Variants in CASD1 observed in about 807,000 individuals in gnomAD.
The protein encoded by CASD1 is N-acetylneuraminate (7)9-O-acetyltransferase.
In CASD1, 41 loss-of-function variants were observed where a neutral mutation model predicts 100.0. The observed-to-expected ratio is 0.41, with a 90% CI of 0.32 to 0.53. The LOEUF is 0.53. Among genes scored for constraint, CASD1 ranks in the 20% least tolerant of loss-of-function variants. The pLI is 0.25. For missense variants in CASD1, 774 were observed against 948.7 expected (o/e 0.82, Z 2.42); for synonymous variants, 321 against 315.6 (o/e 1.02, Z -0.18).
chr7:94,592,726 T>C, the CASD1 span, among the ~76,000 whole-genome samples: 1 of 152,112 alleles, frequency 6.6e-6, no homozygotes, highest in African/African-American at 2.4e-5. Flanking sequence ...AATTTGACAT[T>C]CTTGGATACC....
At chr7:94,544,938 TATATTTACAGATGAGGA>T (rs1795603598) in intron 11 of CASD1, among the ~76,000 whole-genome samples, 1 of 152,128 alleles carries the variant, frequency 6.6e-6, no homozygotes, top group Non-Finnish European at 1.5e-5. Flanking sequence ...TTGTTATCTT[TATATTTACAGATGAGGA>T]ATCTAAGGCT....
the CASD1 span, chr7:94,623,454 TC>T: frequency 9.3e-7 from 1 of 1,070,244 alleles, no homozygotes; most frequent in Non-Finnish European, 1.4e-6. Flanking sequence ...AAAATGAAAT[TC>T]ATTAAGGATT....
chr7:94,547,491 T>G (rs1288070035), intron 13 of CASD1, among the ~76,000 whole-genome samples: 1 of 151,924 alleles, frequency 6.6e-6, no homozygotes, highest in Non-Finnish European at 1.5e-5. Context: ...GATCAAAATT[T>G]TCTTGACAGA....
chr7:94,603,780 T>C, the CASD1 span, among the ~76,000 whole-genome samples: 1 of 152,180 alleles, frequency 6.6e-6, no homozygotes, highest in East Asian at 1.9e-4. Flanking sequence ...GTAATTACTA[T>C]ATTTAGTAGA....
chr7:94,606,800 A>C, the CASD1 span, among the ~76,000 whole-genome samples: 1 of 152,348 alleles, frequency 6.6e-6, no homozygotes, highest in African/African-American at 2.4e-5. Flanking sequence ...GGAACTCAGT[A>C]TCAAAAGATA....
the CASD1 span, chr7:94,617,975 A>T: frequency 6.6e-6 from 1 of 152,238 alleles, no homozygotes; most frequent in Non-Finnish European, 1.5e-5. Context: ...TATTCCACAG[A>T]CTATACTTTT....
chr7:94,570,016 T>A, the CASD1 span, among the ~76,000 whole-genome samples: 2 of 152,098 alleles, frequency 1.3e-5, 1 homozygote, highest in South Asian at 4.2e-4. Flanking sequence ...GGTTTCACCA[T>A]GTTAGACAGG....
At chr7:94,610,514 C>T in the CASD1 span, among the ~76,000 whole-genome samples, 154 of 152,068 alleles carry the variant, frequency 1.0e-3, 1 homozygote, top group Non-Finnish European at 1.7e-3. Flanking sequence ...AAATAGTATA[C>T]GCACAAAAAA....
the CASD1 span, chr7:94,603,406 G>A: frequency 6.2e-7 from 1 of 1,613,026 alleles, no homozygotes; most frequent in Non-Finnish European, 8.5e-7. Flanking sequence ...TCAACTTCTC[G>A]TAAACAAGAA....
chr7:94,614,106 T>TAAAAAAAAAAAAAAAAAAA, the CASD1 span, among the ~76,000 whole-genome samples: 6 of 55,172 alleles, frequency 1.1e-4, 2 homozygotes, highest in Non-Finnish European at 1.7e-4. Context: ...CAAATTGAAA[T>TAAAAAAAAAAAAAAAAAAA]CAAAAAAAAA....
chr7:94,523,649 G>A (rs1222877663), intron 3 of CASD1, among the ~76,000 whole-genome samples: 1 of 152,166 alleles, frequency 6.6e-6, no homozygotes, highest in Admixed American at 6.5e-5. Context: ...CGATCTGTAG[G>A]TTCAGTGTAA....
the CASD1 span, among the ~76,000 whole-genome samples, chr7:94,607,691 C>G: frequency 6.6e-6 from 1 of 152,134 alleles, no homozygotes; most frequent in Non-Finnish European, 1.5e-5. Context: ...AAATGAGAAA[C>G]TTGAAGTTTT....
the CASD1 span, among the ~76,000 whole-genome samples, chr7:94,615,998 G>C: frequency 6.6e-6 from 1 of 152,294 alleles, no homozygotes; most frequent in East Asian, 1.9e-4. Context: ...TTTTCAGAGG[G>C]CTCAGCCTTC....
chr7:94,575,800 A>G, the CASD1 span, among the ~76,000 whole-genome samples: 1 of 152,208 alleles, frequency 6.6e-6, no homozygotes, highest in East Asian at 1.9e-4. Context: ...TGAAAATGTC[A>G]TCCCACTGCC....
intron 1 of CASD1, among the ~76,000 whole-genome samples, chr7:94,513,234 G>A (rs1793806447): frequency 6.8e-6 from 1 of 146,384 alleles, no homozygotes; most frequent in Admixed American, 6.8e-5. Flanking sequence ...CTGAGGCAGG[G>A]AGAATCACTT....
At position 94,525,455 on chromosome 7, in the gene CASD1, G is replaced by T. The variant is rs115521100; in HGVS notation, c.352-1707G>T. Among the ~76,000 whole-genome samples, 455 of 152,230 alleles carry T rather than the reference G, an allele frequency of 3.0e-3. 3 individuals carry two copies. The highest frequency in any genetic ancestry group is 0.01 in the African/African-American group (424 of 41,542). ...TGGCAGTGCTCTGATTTGTATCATG[G>T]ATTCATGAGTGTTGATTTAGTTCTA... On this transcript the variant is annotated intron_variant, in intron 3 of 17. Coordinates refer to ENST00000297273, the MANE Select transcript of CASD1 (RefSeq NM_022900.5).
chr7:94,564,001 G>A, the CASD1 span, among the ~76,000 whole-genome samples: 1 of 152,266 alleles, frequency 6.6e-6, no homozygotes, highest in East Asian at 1.9e-4. Flanking sequence ...TTATGAGCAT[G>A]ATGTCCTCAA....
At chr7:94,577,325 T>A in the CASD1 span, among the ~76,000 whole-genome samples, 1 of 152,214 alleles carries the variant, frequency 6.6e-6, no homozygotes, top group African/African-American at 2.4e-5. Context: ...GTTTTGTGAC[T>A]TTTGTAAACT....
At chr7:94,537,282 T>C (rs1395879221) in intron 8 of CASD1, among the ~76,000 whole-genome samples, 190 bp from the exon 9 acceptor site, 1 of 152,182 alleles carries the variant, frequency 6.6e-6, no homozygotes, top group Non-Finnish European at 1.5e-5. Context: ...CCCCAGAAGT[T>C]TGAAACACCC....
Sources: gnomAD v4.1 joint callset for allele counts (sites outside exome capture counted in the v4.1 genomes callset) on GRCh38, gnomAD v4.1.1 for gene constraint, MANE v1.5 for transcripts, NCBI Gene and HGNC (gene_info 2026-07-23, HGNC 2026-07-21) for gene names.